Variants in JHY observed in about 807,000 individuals in gnomAD.
JHY encodes the protein jhy protein homolog.
A neutral mutation model predicts 78.0 loss-of-function variants in JHY; 69 were observed. The ratio of observed to expected loss-of-function variants is 0.88; its 90% CI spans 0.73 to 1.08. JHY has a LOEUF of 1.08. Among genes scored for constraint, JHY ranks in the 50% least tolerant of loss-of-function variants. The probability of loss-of-function intolerance (pLI) is 0.00; values close to 1 mark genes in which losing one functional copy is unlikely to be tolerated. For missense variants in JHY, 944 were observed against 927.8 expected, an observed-to-expected ratio of 1.02 and a Z score of -0.23; for synonymous variants, 368 against 342.6, an observed-to-expected ratio of 1.07 and a Z score of -0.82.
At chr11:122,894,275 C>G (rs191326600) in intron 2 of JHY, among the ~76,000 whole-genome samples, 434 of 152,014 alleles carry the variant, frequency 2.9e-3, no homozygotes, top group African/African-American at 9.9e-3. Context: ...CCGTTGCACT[C>G]CAGCCTGGGG....
At chr11:122,949,783 T>C (rs1864046161) in intron 6 of JHY, among the ~76,000 whole-genome samples, 1 of 151,848 alleles carries the variant, frequency 6.6e-6, no homozygotes, top group African/African-American at 2.4e-5. Context: ...GCTGGGAGAA[T>C]CCCCGGTTCC....
Position 122,934,433 on chromosome 11 carries a change from A to G in JHY, c.992A>G (p.His331Arg), listed in dbSNP as rs894946547. 6.2e-6 allele frequency: 10 copies of G among 1,605,282 alleles called. No individual in the cohort carries two copies. The highest frequency in any genetic ancestry group is 1.3e-5 in the African/African-American group (1 of 74,674). Reference protein sequence around the residue: ...RAQQLKNYQEHWSQYESTKSS... With the variant: ...RAQQLKNYQERWSQYESTKSS... ...ATATCTCTTTAGAATTACCAGGAACACTGGTCTCAATATGAAAGTACAAAA... is the reference window on the plus strand; with the variant it reads ...ATATCTCTTTAGAATTACCAGGAACGCTGGTCTCAATATGAAAGTACAAAA... The change falls in exon 5 of 9, where the codon CAC (histidine) becomes CGC (arginine). Residue 331 changes from histidine to arginine, a missense_variant. Coordinates refer to ENST00000227349, the MANE Select transcript of JHY (RefSeq NM_024806.4).
intron 5 of JHY, 118 bp from the exon 6 acceptor site, chr11:122,946,380 T>G (rs1209148542): frequency 1.2e-5 from 13 of 1,097,408 alleles, no homozygotes; most frequent in Non-Finnish European, 1.5e-5. Flanking sequence ...TAAAGGTCAT[T>G]AATTTGATTT....
At chr11:122,903,561 C>T (rs916984110) in intron 2 of JHY, among the ~76,000 whole-genome samples, 1 of 152,166 alleles carries the variant, frequency 6.6e-6, no homozygotes, top group Non-Finnish European at 1.5e-5. Flanking sequence ...TCACTGTAGC[C>T]TCTAACTCCT....
intron 8 of JHY, among the ~76,000 whole-genome samples, chr11:122,958,286 G>C (rs1367521160): frequency 6.6e-6 from 1 of 152,220 alleles, no homozygotes; most frequent in African/African-American, 2.4e-5. Context: ...AGGAACAAGA[G>C]ATCCTTTGGT....
intron 3 of JHY, chr11:122,905,072 C>A (rs963041439): frequency 4.4e-6 from 4 of 916,706 alleles, no homozygotes; most frequent in African/African-American, 3.3e-5. Context: ...AAAATCACAT[C>A]ATTTGTTATT....
intron 3 of JHY, 75 bp downstream of exon 3, chr11:122,904,519 T>C (rs3107630): frequency 0.96 from 1,425,973 of 1,489,252 alleles, 683,268 homozygotes; most frequent in Middle Eastern, 0.97. Flanking sequence ...TGTCTAGATA[T>C]CGCTTCCTTT....
Position 122,883,808 on chromosome 11 carries a change from T to C in JHY, c.-90+836T>C, listed in dbSNP as rs1862436763. 6.6e-6 allele frequency among the ~76,000 whole-genome samples: 1 copy of C among 152,212 alleles called. No homozygotes were observed. The highest frequency in any genetic ancestry group is 1.5e-5 in the Non-Finnish European group (1 of 68,030). ...ACATCAGCAAAATTATCTTCTGTGG[T>C]TACTGTTTTATTTTTTATTCATTCC... On this transcript the variant is annotated intron_variant, in intron 1 of 8. Coordinates refer to ENST00000227349, the MANE Select transcript of JHY (RefSeq NM_024806.4). This position sits in a 1 kb window ranked among gnomAD's most constrained non-coding sequence, Gnocchi z 4.4.
intron 6 of JHY, 140 bp downstream of exon 6, chr11:122,946,932 T>C (rs1863978143): frequency 4.2e-6 from 4 of 944,978 alleles, no homozygotes; most frequent in Non-Finnish European, 6.1e-6. Flanking sequence ...CTAAGGAGTT[T>C]CTTACTCCTG....
At chr11:122,908,112 T>TG (rs1357004275) in intron 3 of JHY, among the ~76,000 whole-genome samples, 1 of 152,108 alleles carries the variant, frequency 6.6e-6, no homozygotes, top group Non-Finnish European at 1.5e-5. Flanking sequence ...ACTCTAAATA[T>TG]GGGGAGTCCG....
intron 8 of JHY, chr11:122,959,038 C>CT (rs1864250259): frequency 1.0e-6 from 1 of 978,800 alleles, no homozygotes; most frequent in Admixed American, 6.1e-5. Context: ...TCTTCAACTC[C>CT]TTTTTTTCCA....
At chr11:122,913,374 A>G (rs1863170418) in intron 3 of JHY, among the ~76,000 whole-genome samples, 1 of 152,204 alleles carries the variant, frequency 6.6e-6, no homozygotes, top group Non-Finnish European at 1.5e-5. Flanking sequence ...TTGAAGTACA[A>G]TTTCATAGGG....
At position 122,935,123 on chromosome 11, in the gene JHY, A is replaced by T; in HGVS notation, c.1634+48A>T. 6.8e-7 allele frequency: 1 copy of T among 1,465,724 alleles called. No individual in the cohort carries two copies. Among genetic ancestry groups the T allele is most frequent in the South Asian group, 1.4e-5 (1 of 69,868 alleles). The allele number at this position is 1,465,724 out of a possible 1,614,324, so 90.8% of individuals were successfully genotyped here. A position where few individuals can be genotyped will look rare whatever the true frequency, so the allele number is the denominator to read the frequency against. On this transcript the variant is annotated intron_variant, in intron 5 of 8. Transcript: ENST00000227349. The surrounding 1 kb of genome is among the most constrained non-coding windows in gnomAD (Gnocchi z 4.5). ...TGGTTTTCTAGAGGAGAAAGGAGAG[A>T]CTGCTGCAGAAAGACGGGAGAGGAA...
intron 4 of JHY, among the ~76,000 whole-genome samples, chr11:122,928,649 TTTGTTG>T (rs1362675400): frequency 6.6e-6 from 1 of 152,066 alleles, no homozygotes; most frequent in South Asian, 2.1e-4. Context: ...TTGTTGGTTT[TTTGTTG>T]TTGTTGTTTT....
At chr11:122,931,733 G>T (rs929840520) in intron 4 of JHY, among the ~76,000 whole-genome samples, 1 of 152,104 alleles carries the variant, frequency 6.6e-6, no homozygotes, top group African/African-American at 2.4e-5. Context: ...TGAAACAGAT[G>T]AACTTTCTGG....
intron 2 of JHY, among the ~76,000 whole-genome samples, chr11:122,895,994 A>G (rs1351680730): frequency 6.6e-6 from 1 of 152,162 alleles, no homozygotes; most frequent in African/African-American, 2.4e-5. Flanking sequence ...GAAAGGAGAG[A>G]AAGGGGATGT....
In JHY at chr11:122,883,443, C is replaced by A. The variant is rs780851760; in HGVS notation, c.-90+471C>A. On this transcript the variant is annotated intron_variant, in intron 1 of 8. Transcript: ENST00000227349. The surrounding 1 kb of genome is among the most constrained non-coding windows in gnomAD (Gnocchi z 4.4). The stretch of plus-strand genomic sequence containing the variant: ...CCCTCCAGGAGAAAGTTCGATTGTC[C>A]CATGCTAGTGGACTAGACCCACTGC... Among the ~76,000 whole-genome samples, 2 of 152,174 alleles carry A rather than the reference C, an allele frequency of 1.3e-5. No individual in the cohort carries two copies. The highest frequency in any genetic ancestry group is 2.9e-5 in the Non-Finnish European group (2 of 68,038).
chr11:122,958,587 A>G (rs569232008), intron 8 of JHY: 5 of 335,376 alleles, frequency 1.5e-5, no homozygotes, highest in African/African-American at 6.7e-5. Context: ...CATACAATCC[A>G]TTTGTATTTC....
Position 122,960,975 on chromosome 11 carries a change from A to T in JHY, c.*1530A>T. 1.3e-6 allele frequency: 1 copy of T among 787,062 alleles called. No individual in the cohort carries two copies. The highest frequency in any genetic ancestry group is 2.5e-5 in the East Asian group (1 of 39,232). The allele number at this position is 787,062 out of a possible 1,614,324, so 48.8% of individuals were successfully genotyped here. On this transcript the variant is annotated 3_prime_UTR_variant, in exon 9 of 9. Coordinates refer to ENST00000227349, the MANE Select transcript of JHY (RefSeq NM_024806.4). ...GATGCGTTGAAAGGAACAAGAGCAC[A>T]TGATAAATTGGGTGCAGAGCATCTC...
Sources: gnomAD v4.1 joint callset for allele counts (sites outside exome capture counted in the v4.1 genomes callset) on GRCh38, gnomAD v4.1.1 for gene constraint, Gnocchi (gnomAD v3.1) non-coding constraint, MANE v1.5 for transcripts, NCBI Gene and HGNC (gene_info 2026-07-23, HGNC 2026-07-21) for gene names.